Variants in MAML3 observed in about 807,000 individuals in gnomAD.
The protein encoded by MAML3 is mastermind like transcriptional coactivator 3.
Under a neutral mutation model 101.9 loss-of-function variants are expected in MAML3, and 27 were observed. The observed-to-expected ratio is 0.27, with a 90% CI of 0.20 to 0.37. The LOEUF is 0.37. MAML3 is among the 10% of genes least tolerant of loss of function. The pLI, the probability that MAML3 is intolerant of heterozygous loss-of-function variation, is 1.00. For missense variants in MAML3, 1,316 were observed against 1,444.9 expected (o/e 0.91, Z 1.45); for synonymous variants, 501 against 555.9 (o/e 0.90, Z 1.39).
At chr4:139,867,274 T>C (rs11721536) in intron 2 of MAML3, among the ~76,000 whole-genome samples, 43,139 of 152,170 alleles carry the variant, frequency 0.28, 7,713 homozygotes, top group Non-Finnish European at 0.4. Context: ...ATGTTTGCTT[T>C]GGGAATGTGT....
chr4:140,127,452 A>G (rs1464435), intron 1 of MAML3, among the ~76,000 whole-genome samples: 31,026 of 152,154 alleles, frequency 0.2, 3,216 homozygotes, highest in East Asian at 0.33. Flanking sequence ...TTGGACTCAC[A>G]TTGATAGTCA....
At chr4:139,776,316 G>A (rs966324122) in intron 2 of MAML3, among the ~76,000 whole-genome samples, 9 of 152,166 alleles carry the variant, frequency 5.9e-5, no homozygotes, top group Non-Finnish European at 1.2e-4. Flanking sequence ...AGAAATTTGA[G>A]ATCTGATTAT....
chr4:139,758,113 T>C (rs1447539699), intron 2 of MAML3, among the ~76,000 whole-genome samples: 3 of 152,146 alleles, frequency 2.0e-5, no homozygotes, highest in Admixed American at 2.0e-4. Context: ...GACTTAGTGA[T>C]AGACAAATGA....
intron 1 of MAML3, among the ~76,000 whole-genome samples, chr4:140,072,341 C>T (rs566343739): frequency 4.6e-5 from 7 of 152,118 alleles, no homozygotes; most frequent in Non-Finnish European, 1.0e-4. Flanking sequence ...ATAGCATTTA[C>T]ATTGTGTTAG....
chr4:139,888,323 GC>G (rs2111194979), intron 2 of MAML3, among the ~76,000 whole-genome samples: 1 of 152,280 alleles, frequency 6.6e-6, no homozygotes, highest in Admixed American at 6.5e-5. Context: ...AGACATGAGG[GC>G]CTCTAAAGCA....
intron 1 of MAML3, among the ~76,000 whole-genome samples, chr4:139,915,466 C>T (rs372170586): frequency 1.3e-5 from 2 of 152,204 alleles, no homozygotes; most frequent in Admixed American, 1.3e-4. Context: ...AACGTTCAGA[C>T]AGAGCCTCAT....
At chr4:140,110,016 A>G (rs1284621945) in intron 1 of MAML3, among the ~76,000 whole-genome samples, 1 of 152,242 alleles carries the variant, frequency 6.6e-6, no homozygotes, top group African/African-American at 2.4e-5. Context: ...AGGAATCTTA[A>G]GTGGAAAACG....
At chr4:140,068,453 G>A (rs536062836) in intron 1 of MAML3, among the ~76,000 whole-genome samples, 1 of 152,124 alleles carries the variant, frequency 6.6e-6, no homozygotes, top group African/African-American at 2.4e-5. Flanking sequence ...TTAAACAAGG[G>A]TCTCTCTCTA....
At chr4:139,742,402 G>A (rs1437688727) in intron 2 of MAML3, among the ~76,000 whole-genome samples, 1 of 152,150 alleles carries the variant, frequency 6.6e-6, no homozygotes, top group Non-Finnish European at 1.5e-5. Context: ...GCCCGCCTTG[G>A]CCTCCCAAAG....
At chr4:139,770,372 G>A (rs1049642436) in intron 2 of MAML3, among the ~76,000 whole-genome samples, 11 of 152,328 alleles carry the variant, frequency 7.2e-5, no homozygotes, top group Admixed American at 2.0e-4. Context: ...GAGTTCAACC[G>A]TTGTTCCCAT....
chr4:140,134,405 A>G (rs1470485468), intron 1 of MAML3: 1 of 456,694 alleles, frequency 2.2e-6, no homozygotes, highest in East Asian at 6.9e-5. Flanking sequence ...GGGCACAGGC[A>G]TAGATGTTCC....
chr4:139,784,195 G>A (rs1185942580), intron 2 of MAML3, among the ~76,000 whole-genome samples: 1 of 152,212 alleles, frequency 6.6e-6, no homozygotes, highest in Non-Finnish European at 1.5e-5. Context: ...GGCCAGGCCC[G>A]CCTGATGCCG....
chr4:139,890,297 G>A lies in MAML3; in HGVS notation c.1139C>T (p.Ser380Phe), dbSNP rs200202141. 7.3e-4 allele frequency: 1,171 copies of A among 1,613,834 alleles called. 1 individual carries two copies. The highest frequency in any genetic ancestry group is 9.5e-4 in the Non-Finnish European group (1,119 of 1,179,814). ...SMGSPQARPSSSGPPFSTVST... is the reference protein window; with the variant it reads ...SMGSPQARPSFSGPPFSTVST... ...GACAGTAGAAAAGGGAGGACCAGAA[G>A]AAGAAGGCCTCGCCTGGGGAGATCC... The change falls in exon 2 of 5, where the codon TCT (serine) becomes TTT (phenylalanine). Residue 380 changes from serine to phenylalanine, a missense_variant. Ser to Phe is a radical substitution (Grantham distance 155, BLOSUM62 -2). Transcript: ENST00000509479. This position sits in a 1 kb window ranked among gnomAD's most constrained non-coding sequence, Gnocchi z 4.1.
chr4:139,748,053 T>TAAAA (rs34801574), intron 2 of MAML3, among the ~76,000 whole-genome samples: 21 of 95,520 alleles, frequency 2.2e-4, no homozygotes, highest in African/African-American at 7.7e-4. Context: ...AGACTTCGTC[T>TAAAA]AAAAAAAAAA....
In MAML3 at chr4:139,723,435, G is replaced by A. The variant is rs180956325; in HGVS notation, c.2416+2316C>T. On this transcript the variant is annotated intron_variant, in intron 4 of 4. Transcript: ENST00000509479. The stretch of plus-strand genomic sequence containing the variant: ...AAGCAATTCTCCTGCCCCAGCCTCC[G>A]GAGTAGCTGGGATTACAGGCATGCG... Among the ~76,000 whole-genome samples the A allele has an allele frequency of 9.2e-3, 1,400 of 152,148 alleles. 25 individuals carry two copies. Among genetic ancestry groups the A allele is most frequent in the South Asian group, 0.031 (150 of 4,812 alleles).
intron 4 of MAML3, among the ~76,000 whole-genome samples, chr4:139,720,896 T>G (rs1459243171): frequency 2.6e-5 from 4 of 152,216 alleles, no homozygotes; most frequent in African/African-American, 9.6e-5. Flanking sequence ...CTAATTTCCC[T>G]TAAGACTTGA....
At chr4:139,804,269 A>AC (rs1553957798) in intron 2 of MAML3, among the ~76,000 whole-genome samples, 3 of 146,756 alleles carry the variant, frequency 2.0e-5, no homozygotes, top group African/African-American at 7.6e-5. Context: ...CTCACTAAGG[A>AC]TTTTTTTTTT....
intron 1 of MAML3, among the ~76,000 whole-genome samples, chr4:140,137,167 T>C (rs998610018): frequency 6.6e-6 from 1 of 152,298 alleles, no homozygotes; most frequent in African/African-American, 2.4e-5. Context: ...TTTTTATATT[T>C]TTAGTAGAGA....
chr4:139,784,806 T>G (rs1730277756), intron 2 of MAML3, among the ~76,000 whole-genome samples: 1 of 152,206 alleles, frequency 6.6e-6, no homozygotes, highest in Non-Finnish European at 1.5e-5. Flanking sequence ...ACTCTCTTGC[T>G]TCATTTCTTT....
Sources: allele counts gnomAD v4.1 joint callset (sites outside exome capture counted in the v4.1 genomes callset), GRCh38; gene constraint gnomAD v4.1.1; non-coding constraint Gnocchi (gnomAD v3.1); transcripts MANE v1.5; gene names NCBI Gene and HGNC (gene_info 2026-07-23, HGNC 2026-07-21).